CLUL1: variants seen among roughly 807,000 people sequenced by gnomAD.
CLUL1 encodes clusterin-like protein 1.
In CLUL1, 43 loss-of-function variants were observed where a neutral mutation model predicts 49.4. That is an observed-to-expected ratio of 0.87 (90% CI 0.68 to 1.12). CLUL1 has a LOEUF of 1.12. Ranked by LOEUF, CLUL1 falls within the 50% of genes most tolerant of loss-of-function variation. The pLI, the probability that CLUL1 is intolerant of heterozygous loss-of-function variation, is 0.00. For synonymous variants in CLUL1, 192 were observed against 184.9 expected, an observed-to-expected ratio of 1.04 and a Z score of -0.31; for missense variants, 486 against 544.4, an observed-to-expected ratio of 0.89 and a Z score of 1.07.
In CLUL1 at chr18:617,123, A is replaced by G. The variant is rs191262364; in HGVS notation, c.-13-865A>G. Among the ~76,000 whole-genome samples the G allele has an allele frequency of 1.3e-3, 203 of 152,362 alleles. 1 individual carries two copies. The highest frequency in any genetic ancestry group is 4.7e-3 in the African/African-American group (195 of 41,588). The stretch of plus-strand genomic sequence containing the variant: ...TTTAGAATATTTATAACTAATGTGT[A>G]TCGAATTAAACTCAAAGGGAAATTC... On this transcript the variant is annotated intron_variant, in intron 2 of 9. Transcript: ENST00000692774.
chr18:645,108 T>C lies in CLUL1; in HGVS notation c.1397+11T>C, dbSNP rs569837902. 1.3e-6 allele frequency: 2 copies of C among 1,570,938 alleles called. No individual in the cohort carries two copies. Among genetic ancestry groups the C allele is most frequent in the African/African-American group, 2.8e-5 (2 of 70,884 alleles). On this transcript the variant is annotated intron_variant, in intron 9 of 9. Transcript: ENST00000692774. ...ACATTTTAAAACCTGGTAAGCAGAG[T>C]GCCTGGTTAGGAATGCCTTGTTGAC... is the stretch of plus-strand genomic sequence containing the variant.
At position 607,109 on chromosome 18, in the gene CLUL1, G is replaced by A. The variant is rs767396533; in HGVS notation, c.-14+10G>A. 10 of 701,356 alleles carry A rather than the reference G, an allele frequency of 1.4e-5. No homozygotes were observed. The highest frequency in any genetic ancestry group is 4.4e-5 in the South Asian group (3 of 67,482). 43.4% of individuals were successfully genotyped at this position (701,356 alleles called of 1,614,324 possible). ...GGACCTGGGACTACAGGTATGCACCGCTATACCCGTCTATCTTTTATTTAT... is the reference window on the plus strand; with the variant it reads ...GGACCTGGGACTACAGGTATGCACCACTATACCCGTCTATCTTTTATTTAT... On this transcript the variant is annotated intron_variant, in intron 2 of 9. Transcript: ENST00000692774.
At chr18:632,288 A>G (rs7505895) in intron 6 of CLUL1, among the ~76,000 whole-genome samples, 2 of 152,104 alleles carry the variant, frequency 1.3e-5, no homozygotes, top group African/African-American at 4.8e-5. Context: ...ATAACAGTAT[A>G]TGCATCTCCA....
rs758691813 is a variant in CLUL1 at position 618,061 on chromosome 18, G to T, written c.61G>T (p.Ala21Ser). The part of the protein sequence containing the change: ...CLLWLKDSHC[A>S]PTWKDKTAIS... ...GCTGTGGTTGAAAGACAGTCACTGC[G>T]CACCCACTTGGAAGGACAAAACTGC... is the stretch of plus-strand genomic sequence containing the variant. Residue 21 changes from alanine (A) to serine (S), a missense_variant, in exon 3 of 10, where the codon GCA becomes TCA. By Grantham distance (99) the Ala-to-Ser change is moderately conservative. Transcript: ENST00000692774. This position sits in a 1 kb window ranked among gnomAD's most constrained non-coding sequence, Gnocchi z 4.2. 1 of 1,614,092 alleles carries T rather than the reference G, an allele frequency of 6.2e-7. No homozygotes were observed.
intron 7 of CLUL1, among the ~76,000 whole-genome samples, chr18:636,578 G>A (rs763507984): frequency 6.0e-4 from 90 of 150,362 alleles, no homozygotes; most frequent in South Asian, 1.7e-3. Flanking sequence ...ATCATTATTC[G>A]AGTGGTTAGT....
At chr18:609,005 G>A (rs895662032) in intron 2 of CLUL1, among the ~76,000 whole-genome samples, 5 of 151,984 alleles carry the variant, frequency 3.3e-5, no homozygotes, top group Non-Finnish European at 5.9e-5. Context: ...TCTTACATGC[G>A]TGACGCCAAA....
At chr18:609,795 G>A (rs2073079722) in intron 2 of CLUL1, among the ~76,000 whole-genome samples, 1 of 140,002 alleles carries the variant, frequency 7.1e-6, no homozygotes, top group Admixed American at 7.8e-5. Flanking sequence ...TTGCACTCCA[G>A]CCTGGGTGAC....
At chr18:597,989 A>G (rs1310374441) in intron 1 of CLUL1, 2 of 152,250 alleles carry the variant, frequency 1.3e-5, no homozygotes, top group Non-Finnish European at 2.9e-5. Context: ...CCAGTGGACA[A>G]CATGATGCTT....
At chr18:608,721 A>C (rs2073050776) in intron 2 of CLUL1, among the ~76,000 whole-genome samples, 2 of 152,034 alleles carry the variant, frequency 1.3e-5, no homozygotes, top group Non-Finnish European at 2.9e-5. Flanking sequence ...CTGTCTCTAA[A>C]CAAACAAACA....
intron 9 of CLUL1, among the ~76,000 whole-genome samples, chr18:648,500 TA>T (rs1275432043): frequency 6.6e-6 from 1 of 152,200 alleles, no homozygotes; most frequent in African/African-American, 2.4e-5. Flanking sequence ...TTGTTTTCCT[TA>T]TTCACATTTT....
intron 7 of CLUL1, among the ~76,000 whole-genome samples, chr18:633,647 C>G (rs1470464110): frequency 6.6e-6 from 1 of 152,122 alleles, no homozygotes; most frequent in East Asian, 1.9e-4. Context: ...GGTTCTTAAC[C>G]CTGACAACGC....
At chr18:638,838 A>G (rs1335354912) in intron 7 of CLUL1, among the ~76,000 whole-genome samples, 1 of 151,430 alleles carries the variant, frequency 6.6e-6, no homozygotes, top group Non-Finnish European at 1.5e-5. Flanking sequence ...AGCCTAGGTG[A>G]CAGAGCGAGA....
chr18:627,854 C>A (rs2073857273), intron 6 of CLUL1, among the ~76,000 whole-genome samples: 1 of 151,994 alleles, frequency 6.6e-6, no homozygotes, highest in Non-Finnish European at 1.5e-5. Flanking sequence ...GACGGAGTCT[C>A]ACTCTGCCAC....
At chr18:643,858 G>T (rs1598448050) in intron 8 of CLUL1, among the ~76,000 whole-genome samples, 1 of 152,312 alleles carries the variant, frequency 6.6e-6, no homozygotes, top group East Asian at 1.9e-4. Flanking sequence ...AGGCACAGAG[G>T]AGGTTAAGCA....
intron 1 of CLUL1, among the ~76,000 whole-genome samples, chr18:601,390 C>T (rs1176768978): frequency 6.6e-6 from 1 of 152,152 alleles, no homozygotes; most frequent in Non-Finnish European, 1.5e-5. Context: ...CACCTGTAAT[C>T]CCAGTACTTT....
chr18:641,216 A>T, intron 7 of CLUL1, 111 bp from the exon 8 acceptor site: 2 of 815,540 alleles, frequency 2.5e-6, no homozygotes, highest in Non-Finnish European at 3.9e-6. Context: ...AAAAACTACC[A>T]CAGGCAAAAG....
intron 5 of CLUL1, among the ~76,000 whole-genome samples, chr18:625,880 C>T (rs1453179983): frequency 1.3e-5 from 2 of 152,170 alleles, no homozygotes; most frequent in Non-Finnish European, 2.9e-5. Context: ...AATTTGCCTC[C>T]ACTATTAATT....
chr18:624,955 T>C lies in CLUL1; in HGVS notation c.346T>C (p.Cys116Arg), dbSNP rs760704789. The C allele has an allele frequency of 6.8e-6, 11 of 1,614,024 alleles. No individual in the cohort carries two copies. The highest frequency in any genetic ancestry group is 9.3e-6 in the Non-Finnish European group (11 of 1,180,006). ...RESLADSWGE[C>R]RSCLENNCMR... The stretch of plus-strand genomic sequence containing the variant: ...GTCTTTGGCAGATTCCTGGGGTGAA[T>C]GCAGGTCTTGCCTGGAAAATAACTG... Residue 116 changes from cysteine (C) to arginine (R), a missense_variant, in exon 5 of 10, where the codon TGC becomes CGC. By Grantham distance (180) the Cys-to-Arg change is radical. Transcript: ENST00000692774.
intron 2 of CLUL1, among the ~76,000 whole-genome samples, chr18:612,396 C>T (rs1377390163): frequency 6.6e-6 from 1 of 152,228 alleles, no homozygotes; most frequent in Non-Finnish European, 1.5e-5. Flanking sequence ...TCTCAGATCT[C>T]AGAAGAGGCG....
Sources: gnomAD v4.1 joint callset for allele counts (sites outside exome capture counted in the v4.1 genomes callset) on GRCh38, gnomAD v4.1.1 for gene constraint, Gnocchi (gnomAD v3.1) non-coding constraint, MANE v1.5 for transcripts, NCBI Gene and HGNC (gene_info 2026-07-23, HGNC 2026-07-21) for gene names.